The following TNKS variants were observed in gnomAD, a reference collection of about 807,000 sequenced individuals.
TNKS encodes the protein tankyrase, also known as poly [ADP-ribose] polymerase tankyrase-1.
In TNKS, 72 loss-of-function variants were observed where a neutral mutation model predicts 135.8. The ratio of observed to expected loss-of-function variants is 0.53; its 90% CI spans 0.44 to 0.64. The LOEUF (loss-of-function observed/expected upper bound fraction) is 0.64. TNKS is among the 30% of genes least tolerant of loss of function. TNKS has a pLI of 0.00. For synonymous variants in TNKS, 849 were observed against 649.3 expected (o/e 1.31, Z -4.68); for missense variants, 1,769 against 1,674.0 (o/e 1.06, Z -0.99).
chr8:9,612,704 C>A (rs544648642), intron 2 of TNKS, among the ~76,000 whole-genome samples: 36 of 152,030 alleles, frequency 2.4e-4, no homozygotes, highest in African/African-American at 8.7e-4. Flanking sequence ...ATGGTAGAGT[C>A]GAGGGAGGGA....
intron 3 of TNKS, among the ~76,000 whole-genome samples, chr8:9,625,465 G>C (rs1417295144): frequency 6.6e-6 from 1 of 151,438 alleles, no homozygotes; most frequent in Non-Finnish European, 1.5e-5. Flanking sequence ...GGGTTTTTGA[G>C]GTAGGAGCTT....
At chr8:9,715,298 A>T (rs987166857) in intron 11 of TNKS, among the ~76,000 whole-genome samples, 4 of 151,934 alleles carry the variant, frequency 2.6e-5, no homozygotes, top group Non-Finnish European at 4.4e-5. Context: ...TAATAAAGGA[A>T]CTGTATAGAA....
At position 9,674,566 on chromosome 8, in the gene TNKS, A is replaced by G. The variant is rs146533485; in HGVS notation, c.995-5385A>G. On this transcript the variant is annotated intron_variant, in intron 3 of 26. Coordinates refer to ENST00000310430, the MANE Select transcript of TNKS (RefSeq NM_003747.3). ...TCTTCTGGTGAATGGTCTCTCTGCAATGTTCAGTATAGAGGTACTAGCTAG... is the reference window on the plus strand; with the variant it reads ...TCTTCTGGTGAATGGTCTCTCTGCAGTGTTCAGTATAGAGGTACTAGCTAG... 1.2e-4 allele frequency among the ~76,000 whole-genome samples: 19 copies of G among 152,322 alleles called. No homozygotes were observed. In the East Asian group the frequency reaches 2.9e-3, roughly 23 times the overall value.
intron 2 of TNKS, among the ~76,000 whole-genome samples, chr8:9,581,021 G>A (rs1337517600): frequency 6.6e-6 from 1 of 152,070 alleles, no homozygotes; most frequent in Non-Finnish European, 1.5e-5. Context: ...AGCTTCTAGA[G>A]GGCAAGTATA....
At chr8:9,649,912 T>C (rs1374294150) in intron 3 of TNKS, among the ~76,000 whole-genome samples, 1 of 128,512 alleles carries the variant, frequency 7.8e-6, no homozygotes, top group Non-Finnish European at 1.6e-5. Context: ...TTTTTTGAGA[T>C]GGAGCCTCAC....
chr8:9,687,069 C>T (rs1450638618), intron 5 of TNKS, among the ~76,000 whole-genome samples: 1 of 152,132 alleles, frequency 6.6e-6, no homozygotes, highest in Admixed American at 6.5e-5. Flanking sequence ...TTATGTAGAG[C>T]CCTTTTCCCC....
intron 1 of TNKS, chr8:9,575,177 C>T (rs1797899961): frequency 1.5e-6 from 1 of 687,270 alleles, no homozygotes; most frequent in Non-Finnish European, 1.8e-6. Context: ...AGCTCCGCCT[C>T]CCGGGTTCAC....
intron 14 of TNKS, among the ~76,000 whole-genome samples, chr8:9,731,564 C>G (rs1360030139): frequency 6.6e-6 from 1 of 151,444 alleles, no homozygotes; most frequent in East Asian, 1.9e-4. Context: ...CAAATGTTGA[C>G]CTTATTCCTC....
chr8:9,729,161 G>C lies in TNKS; in HGVS notation c.2002-1729G>C, dbSNP rs865862395. On this transcript the variant is annotated intron_variant, in intron 13 of 26. Coordinates refer to ENST00000310430, the MANE Select transcript of TNKS (RefSeq NM_003747.3). ...CGGAAGGGCAAAACGGCCAAATGCT[G>C]TGTGAAGCCTCTTTTAGAAAGGCCT... Among the ~76,000 whole-genome samples, 7 of 152,140 alleles carry C rather than the reference G, an allele frequency of 4.6e-5. No individual in the cohort carries two copies. The South Asian group carries it at 1.4e-3, about 31-fold the overall frequency.
chr8:9,672,269 T>G (rs544772036), intron 3 of TNKS, among the ~76,000 whole-genome samples: 11 of 152,302 alleles, frequency 7.2e-5, no homozygotes, highest in Admixed American at 2.0e-4. Context: ...GTCCGCAGTT[T>G]TAGGCATCCA....
intron 1 of TNKS, chr8:9,558,954 A>T (rs1274203646): frequency 6.6e-6 from 1 of 152,208 alleles, no homozygotes; most frequent in Non-Finnish European, 1.5e-5. Context: ...TTGACTGGTT[A>T]TTATGATAGT....
In TNKS at chr8:9,752,557, C is replaced by T. The variant is rs1393218717; in HGVS notation, c.3084C>T (p.Asp1028=). ...TTTCTGTTTTAGTTGCTGGTCTTGA[C>T]ATGAATATCAGCCAATTTCTAAAAA... ...ERKEGEVAGL[D]MNISQFLKSL... Residue 1028 remains aspartate, a synonymous_variant, in exon 20 of 27, where the codon GAC becomes GAT. Transcript: ENST00000310430. 2.5e-6 allele frequency: 4 copies of T among 1,612,260 alleles called. No individual in the cohort carries two copies. Among genetic ancestry groups the T allele is most frequent in the Non-Finnish European group, 3.4e-6 (4 of 1,179,064 alleles).
At chr8:9,678,621 C>T (rs1027949794) in intron 3 of TNKS, among the ~76,000 whole-genome samples, 1 of 152,082 alleles carries the variant, frequency 6.6e-6, no homozygotes, top group Non-Finnish European at 1.5e-5. Context: ...ATCCAGGAGG[C>T]AAGACAAAAT....
At chr8:9,629,886 G>A (rs1441022605) in intron 3 of TNKS, among the ~76,000 whole-genome samples, 1 of 152,112 alleles carries the variant, frequency 6.6e-6, no homozygotes, top group Non-Finnish European at 1.5e-5. Context: ...GTTTCACCGT[G>A]TTAGCCAGGA....
At chr8:9,622,507 C>T (rs1004668083) in intron 3 of TNKS, among the ~76,000 whole-genome samples, 1 of 152,118 alleles carries the variant, frequency 6.6e-6, no homozygotes, top group African/African-American at 2.4e-5. Context: ...GTTCACAGAA[C>T]CATCAAGGGA....
chr8:9,612,419 A>T (rs1427210984), intron 2 of TNKS, among the ~76,000 whole-genome samples: 1 of 152,156 alleles, frequency 6.6e-6, no homozygotes, highest in East Asian at 1.9e-4. Flanking sequence ...TTTGTATAAT[A>T]TGCTTTGTAT....
chr8:9,709,080 G>A (rs1315906229), intron 9 of TNKS, among the ~76,000 whole-genome samples: 1 of 151,986 alleles, frequency 6.6e-6, no homozygotes, highest in Non-Finnish European at 1.5e-5. Flanking sequence ...GTTAGTGATC[G>A]CTCCTAAATT....
At chr8:9,709,458 C>G (rs914678230) in intron 9 of TNKS, among the ~76,000 whole-genome samples, 2 of 151,890 alleles carry the variant, frequency 1.3e-5, no homozygotes, top group Non-Finnish European at 2.9e-5. Context: ...ATGTTAAAAC[C>G]TAAAATTTCT....
intron 13 of TNKS, among the ~76,000 whole-genome samples, chr8:9,729,297 C>G (rs1210290499): frequency 6.6e-6 from 1 of 152,150 alleles, no homozygotes; most frequent in Non-Finnish European, 1.5e-5. Context: ...AACATTCAAC[C>G]CGTAGCACTC....
Sources: gnomAD v4.1 joint callset for allele counts (sites outside exome capture counted in the v4.1 genomes callset) on GRCh38, gnomAD v4.1.1 for gene constraint, MANE v1.5 for transcripts, NCBI Gene and HGNC (gene_info 2026-07-23, HGNC 2026-07-21) for gene names.